DOCK3: variants seen among roughly 807,000 people sequenced by gnomAD.
The protein encoded by DOCK3 is dedicator of cytokinesis protein 3.
Under a neutral mutation model 265.6 loss-of-function variants are expected in DOCK3, and 60 were observed. The ratio of observed to expected loss-of-function variants is 0.23; its 90% CI spans 0.18 to 0.28. The LOEUF is 0.28. Among genes scored for constraint, DOCK3 ranks in the 10% least tolerant of loss-of-function variants. The pLI, the probability that DOCK3 is intolerant of heterozygous loss-of-function variation, is 1.00. For synonymous variants in DOCK3, 881 were observed against 938.0 expected, an observed-to-expected ratio of 0.94 and a Z score of 1.11; for missense variants, 1,981 against 2,594.3, an observed-to-expected ratio of 0.76 and a Z score of 5.14.
chr3:51,375,625 G>A (rs1379104344), intron 50 of DOCK3, 123 bp from the exon 51 acceptor site: 6 of 1,063,990 alleles, frequency 5.6e-6, no homozygotes, highest in African/African-American at 1.6e-5. Context: ...AGTGTGAGCT[G>A]TGCCACTGCT....
At chr3:50,981,957 C>A (rs2077710466) in intron 5 of DOCK3, among the ~76,000 whole-genome samples, 1 of 152,154 alleles carries the variant, frequency 6.6e-6, no homozygotes, top group African/African-American at 2.4e-5. Flanking sequence ...TCAAGCAGCT[C>A]TCCTGTCTCA....
intron 27 of DOCK3, among the ~76,000 whole-genome samples, chr3:51,304,921 G>A (rs1020861780): frequency 6.6e-6 from 1 of 152,124 alleles, no homozygotes; most frequent in Non-Finnish European, 1.5e-5. Flanking sequence ...TCACCCCTCT[G>A]ATTTTACTTC....
rs571320973 is a variant in DOCK3, at chr3:50,808,857, T to C, written c.121+30099T>C. Among the ~76,000 whole-genome samples, 28 of 152,338 alleles carry C rather than the reference T, an allele frequency of 1.8e-4. No individual in the cohort carries two copies. In the South Asian group the frequency reaches 5.4e-3, roughly 29 times the overall value. Reference sequence around the variant, plus strand: ...TTTACAATAAGTGATGCTATGCCAATTGAAATTGAAAATGATGGCCTATCC... The same window carrying C: ...TTTACAATAAGTGATGCTATGCCAACTGAAATTGAAAATGATGGCCTATCC... On this transcript the variant is annotated intron_variant, in intron 2 of 52. Coordinates refer to ENST00000266037, the MANE Select transcript of DOCK3 (RefSeq NM_004947.5).
At chr3:50,764,477 A>G (rs2040738233) in intron 1 of DOCK3, among the ~76,000 whole-genome samples, 1 of 152,194 alleles carries the variant, frequency 6.6e-6, no homozygotes, top group African/African-American at 2.4e-5. Flanking sequence ...ATACTACACC[A>G]TTTTATATCA....
chr3:51,280,231 G>A (rs771881924), intron 27 of DOCK3, 27 bp downstream of exon 27: 2 of 1,599,890 alleles, frequency 1.3e-6, no homozygotes, highest in East Asian at 2.2e-5. Flanking sequence ...CTTTCCTCTG[G>A]GAGAGGAAGT....
In DOCK3 at chr3:50,948,612, TCTTTTC is replaced by T. The variant is rs1398976551; in HGVS notation, c.315+14542_315+14547del. On this transcript the variant is annotated intron_variant, in intron 5 of 52. Transcript: ENST00000266037. ...CTTTTCTCTTCTTTCTCTTTTCTTT[TCTTTTC>T]CTTTTCTTTTCTTTCCTCTTTGTTT... Among the ~76,000 whole-genome samples the T allele has an allele frequency of 4.0e-5, 6 of 151,086 alleles. 2 individuals carry two copies. Among genetic ancestry groups the T allele is most frequent in the African/African-American group, 1.5e-4 (6 of 40,596 alleles).
In DOCK3 at chr3:51,146,535, T is replaced by C; in HGVS notation, c.747-14T>C. 6.3e-7 allele frequency: 1 copy of C among 1,580,922 alleles called. No homozygotes were observed. The highest frequency in any genetic ancestry group is 1.2e-5 in the South Asian group (1 of 86,152). ...TACTCACATTTCTCTATATCTTTCT[T>C]TCCTACATTTCAGTGAGCGGTTTCT... is the stretch of plus-strand genomic sequence containing the variant. On this transcript the variant is annotated splice_polypyrimidine_tract_variant and intron_variant, in intron 9 of 52. Transcript: ENST00000266037.
chr3:51,309,606 G>A (rs1373992786), intron 27 of DOCK3, among the ~76,000 whole-genome samples: 1 of 132,320 alleles, frequency 7.6e-6, no homozygotes, highest in Admixed American at 7.8e-5. Flanking sequence ...GTGGGGAGAG[G>A]GAGAGGGAGA....
chr3:50,766,575 A>G (rs568217483), intron 1 of DOCK3, among the ~76,000 whole-genome samples: 4 of 152,274 alleles, frequency 2.6e-5, no homozygotes, highest in South Asian at 4.1e-4. Context: ...TAGTGCCGCA[A>G]TAAACATATG....
chr3:50,754,941 C>T (rs1262163152), intron 1 of DOCK3, among the ~76,000 whole-genome samples: 1 of 152,174 alleles, frequency 6.6e-6, no homozygotes, highest in Non-Finnish European at 1.5e-5. Context: ...AATGACTTTA[C>T]AGCAGTTGTG....
intron 9 of DOCK3, among the ~76,000 whole-genome samples, chr3:51,113,848 C>T (rs1288587743): frequency 2.0e-5 from 3 of 152,216 alleles, no homozygotes; most frequent in South Asian, 2.1e-4. Flanking sequence ...TTGATTGTCA[C>T]GGCCTGTAAT....
intron 38 of DOCK3, among the ~76,000 whole-genome samples, chr3:51,344,617 C>A (rs2085443886): frequency 6.6e-6 from 1 of 152,050 alleles, no homozygotes; most frequent in South Asian, 2.1e-4. Context: ...AATTCTGTCT[C>A]AAAACAAAAC....
At chr3:51,243,934 A>G (rs1468270314) in intron 21 of DOCK3, among the ~76,000 whole-genome samples, 3 of 152,186 alleles carry the variant, frequency 2.0e-5, no homozygotes, top group South Asian at 2.1e-4. Context: ...CCAATTTCCC[A>G]GTTCCATTTA....
chr3:50,820,342 C>T (rs2044336261), intron 2 of DOCK3, among the ~76,000 whole-genome samples: 1 of 152,132 alleles, frequency 6.6e-6, no homozygotes, highest in Non-Finnish European at 1.5e-5. Flanking sequence ...CATTTTTTAT[C>T]AGTGGGGTCT....
rs569129425 is a variant in DOCK3, at chr3:50,927,128, A to G, written c.219-6853A>G. 1.6e-4 allele frequency among the ~76,000 whole-genome samples: 25 copies of G among 152,132 alleles called. No individual in the cohort carries two copies. The South Asian group carries it at 2.1e-3, about 13-fold the overall frequency. ...GGTATGCTCCTGCCTTGAGGCTTCT[A>G]TTGTTTCTTATGCTTGGGATTAGCT... is the stretch of plus-strand genomic sequence containing the variant. On this transcript the variant is annotated intron_variant, in intron 4 of 52. Transcript: ENST00000266037.
intron 1 of DOCK3, among the ~76,000 whole-genome samples, chr3:50,704,867 G>A (rs1047822609): frequency 4.6e-5 from 7 of 152,030 alleles, no homozygotes; most frequent in Admixed American, 6.6e-5. Context: ...GACATCAAGC[G>A]ATCCATCTGC....
chr3:50,988,974 C>A (rs537935062), intron 5 of DOCK3, among the ~76,000 whole-genome samples: 1 of 152,226 alleles, frequency 6.6e-6, no homozygotes, highest in East Asian at 1.9e-4. Context: ...CCCTTGCCAC[C>A]CTCGGACTAA....
chr3:51,258,706 A>G (rs2079685426), intron 22 of DOCK3, among the ~76,000 whole-genome samples: 1 of 152,034 alleles, frequency 6.6e-6, no homozygotes, highest in Non-Finnish European at 1.5e-5. Flanking sequence ...GTCCCTACCT[A>G]TAAGGATTCC....
intron 4 of DOCK3, among the ~76,000 whole-genome samples, chr3:50,904,176 C>T (rs750456795): frequency 5.9e-5 from 9 of 152,002 alleles, no homozygotes; most frequent in Non-Finnish European, 4.4e-5. Flanking sequence ...TGGACATTTG[C>T]GTTGGTTCCA....
Sources: gnomAD v4.1 joint callset for allele counts (sites outside exome capture counted in the v4.1 genomes callset) on GRCh38, gnomAD v4.1.1 for gene constraint, MANE v1.5 for transcripts, NCBI Gene and HGNC (gene_info 2026-07-23, HGNC 2026-07-21) for gene names.